CRTAP: variants seen among roughly 807,000 people sequenced by gnomAD.
CRTAP encodes cartilage-associated protein.
A neutral mutation model predicts 42.7 loss-of-function variants in CRTAP; 33 were observed. The observed-to-expected ratio is 0.77, with a 90% CI of 0.59 to 1.03. CRTAP has a LOEUF of 1.03. Among genes scored for constraint, CRTAP ranks in the 50% least tolerant of loss-of-function variants. The pLI is 0.00. For synonymous variants in CRTAP, 243 were observed against 217.7 expected, an observed-to-expected ratio of 1.12 and a Z score of -1.02; for missense variants, 613 against 533.9, an observed-to-expected ratio of 1.15 and a Z score of -1.46.
rs137853939 is a variant in CRTAP at position 33,114,275 on chromosome 3, C to A, written c.198C>A (p.Tyr66Ter). The change falls in exon 1 of 7, where the codon TAC (tyrosine) becomes TAA (stop). Residue 66 changes from tyrosine to a stop codon, truncating the protein, a stop_gained. Coordinates refer to ENST00000320954, the MANE Select transcript of CRTAP (RefSeq NM_006371.5). LOFTEE classifies it high-confidence loss of function. ...SGEHWAESVG[Y>*]LEISLRLHRL... ...AGCACTGGGCCGAGAGCGTGGGCTACCTGGAGATCAGCCTGCGGCTGCACC... is the reference window on the plus strand; with the variant it reads ...AGCACTGGGCCGAGAGCGTGGGCTAACTGGAGATCAGCCTGCGGCTGCACC... 13 of 1,580,820 alleles carry A rather than the reference C, an allele frequency of 8.2e-6. No homozygotes were observed. Among genetic ancestry groups the A allele is most frequent in the Non-Finnish European group, 1.0e-5 (12 of 1,170,338 alleles).
Position 33,114,391 on chromosome 3 carries a change from A to AGCTGCGCCTCTTCGGGGGCCT in CRTAP, c.323_343dup (p.Leu108_Arg114dup), listed in dbSNP as rs1230416019. 2.5e-5 allele frequency: 38 copies of AGCTGCGCCTCTTCGGGGGCCT among 1,535,350 alleles called. No individual in the cohort carries two copies. The highest frequency in any genetic ancestry group is 3.1e-5 in the Non-Finnish European group (36 of 1,146,304). On this transcript the variant is annotated inframe_insertion, in exon 1 of 7. Transcript: ENST00000320954. ...GCCGCCGGCCTCGCCAGCTATCCCG[A>AGCTGCGCCTCTTCGGGGGCCT]GCTGCGCCTCTTCGGGGGCCTGCTG...
chr3:33,122,329 C>T (rs1224762765), intron 2 of CRTAP, among the ~76,000 whole-genome samples: 2 of 151,932 alleles, frequency 1.3e-5, no homozygotes, highest in Admixed American at 6.6e-5. Context: ...GAGTTGGCTA[C>T]TTATTGACCC....
chr3:33,132,318 A>G (rs1249322222), intron 4 of CRTAP, among the ~76,000 whole-genome samples: 4 of 152,290 alleles, frequency 2.6e-5, no homozygotes, highest in African/African-American at 7.2e-5. Context: ...GAAGTGGAAC[A>G]TAGGCATTTC....
At chr3:33,132,895 C>T (rs543860507) in intron 5 of CRTAP, among the ~76,000 whole-genome samples, 195 bp downstream of exon 5, 110 of 152,190 alleles carry the variant, frequency 7.2e-4, no homozygotes, top group African/African-American at 2.4e-3. Flanking sequence ...CTGGCCAACA[C>T]GGTGAAACCC....
intron 5 of CRTAP, among the ~76,000 whole-genome samples, chr3:33,133,085 ATG>A (rs1263169220): frequency 6.6e-6 from 1 of 152,178 alleles, no homozygotes. Flanking sequence ...AGTTTTGTGC[ATG>A]TGTGTGTTTT....
intron 1 of CRTAP, among the ~76,000 whole-genome samples, chr3:33,119,281 C>T (rs1701384823): frequency 1.3e-5 from 2 of 152,184 alleles, no homozygotes; most frequent in African/African-American, 2.4e-5. Context: ...GTCCTGAGGA[C>T]TGTGTGAGGC....
At position 33,120,873 on chromosome 3, in the gene CRTAP, G is replaced by A. The variant is rs561598798; in HGVS notation, c.621+380G>A. On this transcript the variant is annotated intron_variant, in intron 2 of 6. Transcript: ENST00000320954. The stretch of plus-strand genomic sequence containing the variant: ...AAGGCATATATTTTTATACACACTT[G>A]CACACAAACGCACCCTAAATATATT... Among the ~76,000 whole-genome samples the A allele has an allele frequency of 2.6e-5, 4 of 152,254 alleles. No homozygotes were observed. The East Asian group carries it at 7.7e-4, about 29-fold the overall frequency.
intron 1 of CRTAP, among the ~76,000 whole-genome samples, chr3:33,118,990 C>T (rs1701380924): frequency 6.6e-6 from 1 of 152,220 alleles, no homozygotes; most frequent in African/African-American, 2.4e-5. Context: ...CCCTCTTCTT[C>T]TCCCAGGCCA....
rs138175328 is a variant in CRTAP, at chr3:33,124,527, C to T, written c.741C>T (p.Cys247=). 49 of 1,614,086 alleles carry T rather than the reference C, an allele frequency of 3.0e-5. No individual in the cohort carries two copies. Among genetic ancestry groups the T allele is most frequent in the African/African-American group, 5.3e-5 (4 of 74,934 alleles). ...CCTTTTACGAGTGTCTCGCAGCCTG[C>T]GAGGGTTCCAGGGAGATCAAGGACT... The part of the protein sequence containing the change: ...FKAFYECLAA[C]EGSREIKDFK... Residue 247 remains cysteine (C), a synonymous_variant, in exon 3 of 7, where the codon TGC becomes TGT. Transcript: ENST00000320954.
At chr3:33,141,440 TA>T (rs2030567787) in intron 6 of CRTAP, among the ~76,000 whole-genome samples, 1 of 152,248 alleles carries the variant, frequency 6.6e-6, no homozygotes, top group South Asian at 2.1e-4. Flanking sequence ...ATGATAATAC[TA>T]AGACCCCCCA....
rs1401372599 is a variant in CRTAP at position 33,144,898 on chromosome 3, A to C, written c.*2450A>C. The C allele has an allele frequency of 6.6e-6, 1 of 152,194 alleles. No individual in the cohort carries two copies. Among genetic ancestry groups the C allele is most frequent in the Non-Finnish European group, 1.5e-5 (1 of 68,050 alleles). 9.4% of individuals were successfully genotyped at this position (152,194 alleles called of 1,614,324 possible). A position where few individuals can be genotyped will look rare whatever the true frequency, so the allele number is the denominator to read the frequency against. On this transcript the variant is annotated 3_prime_UTR_variant, in exon 7 of 7. Coordinates refer to ENST00000320954, the MANE Select transcript of CRTAP (RefSeq NM_006371.5). ...AGCTGAGCTTTCTTTATTCAACCTC[A>C]TTCCCTTCTCCAAATAAGCCACTTG...
Position 33,130,077 on chromosome 3 carries a change from C to G in CRTAP, c.922+10C>G. The G allele has an allele frequency of 6.2e-7, 1 of 1,612,364 alleles. No individual in the cohort carries two copies. On this transcript the variant is annotated intron_variant, in intron 4 of 6. Coordinates refer to ENST00000320954, the MANE Select transcript of CRTAP (RefSeq NM_006371.5). ...TTTGCCTATTATAAGTGTAAGTAAT[C>G]TTCTGTGACATCTTGGGTGAGGCAC...
intron 6 of CRTAP, among the ~76,000 whole-genome samples, chr3:33,136,711 G>C (rs894905000): frequency 6.6e-6 from 1 of 152,156 alleles, no homozygotes; most frequent in Non-Finnish European, 1.5e-5. Flanking sequence ...CATGGCAAGA[G>C]CATGCCACAC....
Position 33,124,514 on chromosome 3 carries a change from G to C in CRTAP, c.728G>C (p.Cys243Ser), listed in dbSNP as rs1337289860. ...LPDFFKAFYE[C>S]LAACEGSREI... ...GACTTCTTCAAAGCCTTTTACGAGT[G>C]TCTCGCAGCCTGCGAGGGTTCCAGG... Residue 243 changes from cysteine (C) to serine (S), a missense_variant, in exon 3 of 7, where the codon TGT (cysteine) becomes TCT (serine). Transcript: ENST00000320954. The C allele has an allele frequency of 1.2e-6, 2 of 1,614,120 alleles. No individual in the cohort carries two copies. The highest frequency in any genetic ancestry group is 1.7e-6 in the Non-Finnish European group (2 of 1,180,056).
chr3:33,119,115 C>G (rs968594786), intron 1 of CRTAP, among the ~76,000 whole-genome samples: 4 of 152,200 alleles, frequency 2.6e-5, no homozygotes, highest in African/African-American at 9.7e-5. Context: ...GACCAGATAT[C>G]TACCTCCCCT....
chr3:33,121,052 C>G (rs1183422032), intron 2 of CRTAP, among the ~76,000 whole-genome samples: 1 of 152,118 alleles, frequency 6.6e-6, no homozygotes, highest in Non-Finnish European at 1.5e-5. Flanking sequence ...TCACTATTGT[C>G]AAGGTCTTCT....
At chr3:33,121,675 T>A (rs2029881163) in intron 2 of CRTAP, among the ~76,000 whole-genome samples, 1 of 152,120 alleles carries the variant, frequency 6.6e-6, no homozygotes, top group Admixed American at 6.5e-5. Context: ...AGGGACAGGG[T>A]CACCCAGGTG....
intron 6 of CRTAP, among the ~76,000 whole-genome samples, chr3:33,137,467 T>C (rs1030382765): frequency 6.6e-6 from 1 of 152,248 alleles, no homozygotes; most frequent in East Asian, 1.9e-4. Context: ...AGTGACTATG[T>C]TGAGCATCCC....
intron 2 of CRTAP, among the ~76,000 whole-genome samples, chr3:33,122,147 C>T (rs997629592): frequency 2.0e-5 from 3 of 152,096 alleles, no homozygotes; most frequent in Non-Finnish European, 4.4e-5. Context: ...AAGCCGAGTG[C>T]GTGTGGTCAG....
Sources: gnomAD v4.1 joint callset for allele counts (sites outside exome capture counted in the v4.1 genomes callset) on GRCh38, gnomAD v4.1.1 for gene constraint, MANE v1.5 for transcripts, NCBI Gene and HGNC (gene_info 2026-07-23, HGNC 2026-07-21) for gene names.